TMEM108: variants seen among roughly 807,000 people sequenced by gnomAD.
TMEM108 encodes transmembrane protein 108, also known as cancer/testis antigen 124.
TMEM108 carries 12 observed loss-of-function variants against 35.1 expected under a neutral mutation model. The ratio of observed to expected loss-of-function variants is 0.34; its 90% CI spans 0.22 to 0.55. The LOEUF (loss-of-function observed/expected upper bound fraction) is 0.55, where lower values mean the gene tolerates loss of function less well. Ranked by LOEUF, TMEM108 falls within the 20% of genes least tolerant of loss-of-function variation. The probability of loss-of-function intolerance (pLI) is 0.89; values close to 1 mark genes in which losing one functional copy is unlikely to be tolerated. For missense variants in TMEM108, 680 were observed against 753.3 expected, an observed-to-expected ratio of 0.90 and a Z score of 1.14; for synonymous variants, 287 against 308.6, an observed-to-expected ratio of 0.93 and a Z score of 0.73.
At chr3:133,062,929 A>G (rs1292294154) in intron 2 of TMEM108, among the ~76,000 whole-genome samples, 1 of 152,220 alleles carries the variant, frequency 6.6e-6, no homozygotes, top group East Asian at 1.9e-4. Flanking sequence ...GATAGAGTTC[A>G]GCATGTATGG....
chr3:133,100,463 G>A (rs1944073042), intron 2 of TMEM108, among the ~76,000 whole-genome samples: 2 of 152,134 alleles, frequency 1.3e-5, no homozygotes, highest in Non-Finnish European at 2.9e-5. Context: ...AATTAGCTGG[G>A]CATAGCAGTG....
At chr3:133,209,628 T>C (rs1945807777) in intron 2 of TMEM108, among the ~76,000 whole-genome samples, 2 of 152,148 alleles carry the variant, frequency 1.3e-5, no homozygotes, top group South Asian at 4.1e-4. Context: ...GCCCCGCTTC[T>C]CTGTGCAGTT....
rs572438192 is a variant in TMEM108 at position 133,050,979 on chromosome 3, T to G, written c.-47+4959T>G. On this transcript the variant is annotated intron_variant, in intron 2 of 5. Transcript: ENST00000321871. Reference sequence around the variant, plus strand: ...GCTGATATAAAAATCTGTGTGCGAGTTTTTTTTTTTTTTGTGGACATAAAT... The same window carrying G: ...GCTGATATAAAAATCTGTGTGCGAGGTTTTTTTTTTTTTGTGGACATAAAT... Among the ~76,000 whole-genome samples the G allele has an allele frequency of 7.6e-3, 394 of 51,886 alleles. 2 individuals are homozygous for G. The highest frequency in any genetic ancestry group is 0.013 in the Non-Finnish European group (253 of 19,472). The allele number at this position is 51,886 out of a possible 152,430, so 34.0% of individuals were successfully genotyped here.
intron 3 of TMEM108, among the ~76,000 whole-genome samples, chr3:133,328,013 G>C (rs1359121571): frequency 6.6e-6 from 1 of 152,072 alleles, no homozygotes. Flanking sequence ...CTTTGTTGTG[G>C]ACTAATTTTT....
At chr3:133,269,668 T>C (rs1946744865) in intron 3 of TMEM108, among the ~76,000 whole-genome samples, 1 of 152,228 alleles carries the variant, frequency 6.6e-6, no homozygotes, top group African/African-American at 2.4e-5. Context: ...ATTTATTGAG[T>C]CAGTTTTTAA....
chr3:133,187,883 CAAAA>C (rs34894272), intron 2 of TMEM108, among the ~76,000 whole-genome samples: 36,603 of 127,318 alleles, frequency 0.29, 4,937 homozygotes, highest in Middle Eastern at 0.42. Context: ...ACGGTTGCTG[CAAAA>C]AAAAAAAAAA....
chr3:133,125,927 T>C (rs1042866321), intron 2 of TMEM108, among the ~76,000 whole-genome samples: 2 of 152,244 alleles, frequency 1.3e-5, no homozygotes, highest in African/African-American at 2.4e-5. Context: ...CAGGGCTGTT[T>C]CCTTCTATCA....
At chr3:133,245,743 G>GA in intron 3 of TMEM108, among the ~76,000 whole-genome samples, 1 of 152,202 alleles carries the variant, frequency 6.6e-6, no homozygotes, top group Admixed American at 6.5e-5. Context: ...GACTTCATTA[G>GA]AGAGAATGAG....
At chr3:133,058,085 A>G (rs573364478) in intron 2 of TMEM108, among the ~76,000 whole-genome samples, 7 of 110,836 alleles carry the variant, frequency 6.3e-5, no homozygotes, top group African/African-American at 2.5e-4. Context: ...TTTTTTAACT[A>G]TTGATTTTGA....
intron 3 of TMEM108, among the ~76,000 whole-genome samples, chr3:133,318,935 A>C (rs1227597175): frequency 3.9e-5 from 6 of 151,954 alleles, no homozygotes; most frequent in Admixed American, 6.6e-5. Context: ...AAAAAAACTC[A>C]GGGGAAGTGT....
intron 2 of TMEM108, among the ~76,000 whole-genome samples, chr3:133,126,557 TA>T: frequency 6.6e-6 from 1 of 151,236 alleles, no homozygotes; most frequent in East Asian, 1.9e-4. Context: ...AAATGTAATA[TA>T]AACCTCAAGT....
intron 3 of TMEM108, among the ~76,000 whole-genome samples, chr3:133,373,364 AAG>A (rs1466208670): frequency 1.7e-4 from 25 of 149,266 alleles, no homozygotes; most frequent in African/African-American, 5.7e-4. Flanking sequence ...AAAAAAAAAA[AAG>A]AAATTTAGAT....
intron 3 of TMEM108, among the ~76,000 whole-genome samples, chr3:133,331,061 G>A (rs1301331581): frequency 3.9e-5 from 6 of 152,104 alleles, no homozygotes; most frequent in Admixed American, 3.9e-4. Flanking sequence ...TGGTGCATGG[G>A]AGGCTTATGA....
intron 2 of TMEM108, among the ~76,000 whole-genome samples, chr3:133,046,746 G>A (rs1194032412): frequency 6.6e-6 from 1 of 152,122 alleles, no homozygotes. Flanking sequence ...TCCTTTCTGA[G>A]CTCTCCAATT....
intron 2 of TMEM108, among the ~76,000 whole-genome samples, chr3:133,146,370 A>G (rs530762032): frequency 1.3e-5 from 2 of 152,286 alleles, no homozygotes; most frequent in South Asian, 2.1e-4. Context: ...ATTTGCCAGT[A>G]TTTTATTGAG....
chr3:133,150,347 T>G (rs1014480532), intron 2 of TMEM108, among the ~76,000 whole-genome samples: 1 of 150,354 alleles, frequency 6.7e-6, no homozygotes, highest in Non-Finnish European at 1.5e-5. Flanking sequence ...ATTTGGTTTT[T>G]TTTTTTTTTT....
intron 2 of TMEM108, among the ~76,000 whole-genome samples, chr3:133,192,033 TC>T (rs1006807077): frequency 6.6e-6 from 1 of 152,128 alleles, no homozygotes; most frequent in African/African-American, 2.4e-5. Flanking sequence ...TCCCACTCTG[TC>T]CCAAAATAGC....
chr3:133,298,483 TG>T (rs982890637), intron 3 of TMEM108, among the ~76,000 whole-genome samples: 1 of 152,182 alleles, frequency 6.6e-6, no homozygotes, highest in Non-Finnish European at 1.5e-5. Flanking sequence ...AGAGTGCTTG[TG>T]ATTTTATGGG....
chr3:133,178,295 C>G (rs1186657723), intron 2 of TMEM108, among the ~76,000 whole-genome samples: 2 of 152,134 alleles, frequency 1.3e-5, no homozygotes, highest in African/African-American at 4.8e-5. Context: ...ACTGTCTTCA[C>G]AGAATTGGAA....
Sources: allele counts gnomAD v4.1 joint callset (sites outside exome capture counted in the v4.1 genomes callset), GRCh38; gene constraint gnomAD v4.1.1; transcripts MANE v1.5; gene names NCBI Gene and HGNC (gene_info 2026-07-23, HGNC 2026-07-21).